Variants in MARK3 observed in about 807,000 individuals in gnomAD.
MARK3 encodes MAP/microtubule affinity-regulating kinase 3.
MARK3 carries 46 observed loss-of-function variants against 90.1 expected under a neutral mutation model. That is an observed-to-expected ratio of 0.51 (90% CI 0.40 to 0.65). The LOEUF (loss-of-function observed/expected upper bound fraction) is 0.65. Among genes scored for constraint, MARK3 ranks in the 30% least tolerant of loss-of-function variants. The probability of loss-of-function intolerance (pLI) is 0.00; values close to 1 mark genes in which losing one functional copy is unlikely to be tolerated. For synonymous variants in MARK3, 321 were observed against 332.6 expected (o/e 0.97, Z 0.38); for missense variants, 818 against 947.2 (o/e 0.86, Z 1.79).
Position 103,467,203 on chromosome 14 carries a change from CAGAA to C in MARK3, c.1110+16_1110+19del, listed in dbSNP as rs777409206. On this transcript the variant is annotated intron_variant, in intron 11 of 17. Coordinates refer to ENST00000429436, the MANE Select transcript of MARK3 (RefSeq NM_001128918.3). ...GAAAATCTTCAGAGGTAAGAGTAAT[CAGAA>C]AGAGCTGAAATACCCTGTATGTAAT... The C allele has an allele frequency of 3.9e-5, 52 of 1,340,718 alleles. No homozygotes were observed. The African/African-American group carries it at 6.6e-4, about 17-fold the overall frequency. The allele number at this position is 1,340,718 out of a possible 1,614,324, so 83.1% of individuals were successfully genotyped here. A position where few individuals can be genotyped will look rare whatever the true frequency, so the allele number is the denominator to read the frequency against.
Position 103,398,089 on chromosome 14 carries a change from C to G in MARK3, c.52-6987C>G, listed in dbSNP as rs1392988613. On this transcript the variant is annotated intron_variant, in intron 1 of 17. Transcript: ENST00000429436. ...CTGAATAGCAGTGAGATGTATGCAT[C>G]TACCACATTTTACCAGTCTGCTCGC... Among the ~76,000 whole-genome samples the G allele has an allele frequency of 2.0e-5, 3 of 152,194 alleles. No homozygotes were observed. In the East Asian group the frequency reaches 5.8e-4, roughly 29 times the overall value.
intron 15 of MARK3, among the ~76,000 whole-genome samples, chr14:103,494,033 A>T (rs946495340): frequency 6.6e-6 from 1 of 151,198 alleles, no homozygotes; most frequent in Non-Finnish European, 1.5e-5. Context: ...CAGGAGTTTG[A>T]GACAGGCCTG....
chr14:103,452,770 C>T (rs561053006), intron 5 of MARK3, among the ~76,000 whole-genome samples: 4 of 152,292 alleles, frequency 2.6e-5, no homozygotes, highest in Admixed American at 2.0e-4. Context: ...CGCGCCCGGC[C>T]AGGATTTGTC....
rs2089730077 is a variant in MARK3, at chr14:103,385,648, A to G, written c.-382A>G. ...AGGCGCCGCCGGCGGCGCTGTGTGG[A>G]GGCCCGCGAGCTGAAATTCGCGGTG... On this transcript the variant is annotated 5_prime_UTR_variant, in exon 1 of 18. Transcript: ENST00000429436. The G allele has an allele frequency of 5.5e-6, 1 of 181,208 alleles. No individual in the cohort carries two copies. The highest frequency in any genetic ancestry group is 1.1e-5 in the Non-Finnish European group (1 of 87,830). 11.2% of individuals were successfully genotyped at this position (181,208 alleles called of 1,614,324 possible).
chr14:103,500,109 C>T, intron 16 of MARK3, 47 bp from the exon 17 acceptor site: 1 of 1,511,260 alleles, frequency 6.6e-7, no homozygotes, highest in Non-Finnish European at 9.1e-7. Flanking sequence ...TGTAAGATTT[C>T]TTTTCTCTTT....
At chr14:103,485,539 C>G (rs1424155734) in intron 14 of MARK3, among the ~76,000 whole-genome samples, 1 of 152,114 alleles carries the variant, frequency 6.6e-6, no homozygotes, top group Non-Finnish European at 1.5e-5. Flanking sequence ...TTCCAAAACA[C>G]TAGGTTTACA....
intron 3 of MARK3, among the ~76,000 whole-genome samples, chr14:103,439,789 T>C (rs28711288): frequency 0.29 from 43,648 of 151,880 alleles, 7,353 homozygotes; most frequent in Non-Finnish European, 0.36. Context: ...TTTGCTTCCT[T>C]TTTTTTGTTT....
At chr14:103,467,281 G>T in intron 11 of MARK3, 90 bp downstream of exon 11, 1 of 597,182 alleles carries the variant, frequency 1.7e-6, no homozygotes, top group Non-Finnish European at 2.8e-6. Context: ...TTGAATATTT[G>T]TAACATTTGA....
chr14:103,394,352 G>A (rs2090449011), intron 1 of MARK3, among the ~76,000 whole-genome samples: 1 of 152,160 alleles, frequency 6.6e-6, no homozygotes, highest in Admixed American at 6.6e-5. Context: ...AAAGTAATAA[G>A]GAATTTGTAC....
At chr14:103,414,206 C>T (rs1216207656) in intron 2 of MARK3, among the ~76,000 whole-genome samples, 6 of 140,650 alleles carry the variant, frequency 4.3e-5, no homozygotes, top group South Asian at 2.2e-4. Flanking sequence ...TCTTTTCTTT[C>T]TTTTTTTTTT....
At chr14:103,487,261 G>C (rs1383929919) in intron 14 of MARK3, among the ~76,000 whole-genome samples, 1 of 151,408 alleles carries the variant, frequency 6.6e-6, no homozygotes, top group African/African-American at 2.4e-5. Flanking sequence ...AGGCCAAGAC[G>C]GGCGGATTGC....
Position 103,385,989 on chromosome 14 carries a change from T to C in MARK3, c.-41T>C. On this transcript the variant is annotated 5_prime_UTR_variant, in exon 1 of 18. Coordinates refer to ENST00000429436, the MANE Select transcript of MARK3 (RefSeq NM_001128918.3). ...CCGGCCTCCTAGGGCTGTGCTGTTT[T>C]GTTTTGACCCTCGCATTGTGCAGAA... 6 of 1,569,892 alleles carry C rather than the reference T, an allele frequency of 3.8e-6. No homozygotes were observed. The highest frequency in any genetic ancestry group is 1.3e-5 in the African/African-American group (1 of 74,122).
chr14:103,479,090 G>T (rs918590872), intron 13 of MARK3, among the ~76,000 whole-genome samples: 1 of 151,974 alleles, frequency 6.6e-6, no homozygotes, highest in African/African-American at 2.4e-5. Context: ...GTGCAAACAC[G>T]GCTCATTGCA....
At chr14:103,464,744 T>G (rs969152097) in intron 7 of MARK3, among the ~76,000 whole-genome samples, 8 of 152,236 alleles carry the variant, frequency 5.3e-5, no homozygotes, top group African/African-American at 1.9e-4. Flanking sequence ...TCACCCAGGC[T>G]GGAGTGCAGT....
At chr14:103,413,520 C>T (rs898107737) in intron 2 of MARK3, among the ~76,000 whole-genome samples, 4 of 150,126 alleles carry the variant, frequency 2.7e-5, no homozygotes, top group Non-Finnish European at 5.9e-5. Flanking sequence ...ACCTTTTGGA[C>T]TCAAGCAACC....
intron 3 of MARK3, among the ~76,000 whole-genome samples, chr14:103,432,725 G>A (rs867805149): frequency 2.0e-5 from 3 of 152,124 alleles, no homozygotes; most frequent in Admixed American, 2.0e-4. Flanking sequence ...GTGTGGTGGT[G>A]TGTACCTGTA....
rs1236614723 is a variant in MARK3, at chr14:103,475,140, T to C, written c.1412T>C (p.Met471Thr). 1 of 1,614,062 alleles carries C rather than the reference T, an allele frequency of 6.2e-7. No homozygotes were observed. The highest frequency in any genetic ancestry group is 1.7e-5 in the Admixed American group (1 of 60,000). ...AAGGGAATTGCTCCAGCCAGTCCCATGCTTGGGAATGCAAGTAATCCTAAT... is the reference window on the plus strand; with the variant it reads ...AAGGGAATTGCTCCAGCCAGTCCCACGCTTGGGAATGCAAGTAATCCTAAT... ...GGKGIAPASP[M>T]LGNASNPNKA... is the part of the protein sequence containing the mutation. Residue 471 changes from methionine (M) to threonine (T), a missense_variant, in exon 13 of 18, where the codon ATG (methionine) becomes ACG (threonine). Coordinates refer to ENST00000429436, the MANE Select transcript of MARK3 (RefSeq NM_001128918.3).
intron 12 of MARK3, among the ~76,000 whole-genome samples, chr14:103,473,591 G>A (rs1000730312): frequency 2.6e-5 from 4 of 152,132 alleles, no homozygotes; most frequent in South Asian, 2.1e-4. Flanking sequence ...TCACTAAACC[G>A]AAAGCTTAGT....
chr14:103,485,082 T>TAAAAAAAAAAAAAAAAAAA (rs2093901624), intron 14 of MARK3, among the ~76,000 whole-genome samples: 1 of 49,496 alleles, frequency 2.0e-5, no homozygotes, highest in African/African-American at 9.8e-5. Flanking sequence ...AAAAAAAAAT[T>TAAAAAAAAAAAAAAAAAAA]AGCCAGGCAT....
Sources: gnomAD v4.1 joint callset for allele counts (sites outside exome capture counted in the v4.1 genomes callset) on GRCh38, gnomAD v4.1.1 for gene constraint, MANE v1.5 for transcripts, NCBI Gene and HGNC (gene_info 2026-07-23, HGNC 2026-07-21) for gene names.